The following TPR variants were observed in gnomAD, a reference collection of about 807,000 sequenced individuals.
TPR encodes translocated promoter region, nuclear basket protein, also known as nucleoprotein TPR.
Under a neutral mutation model 316.1 loss-of-function variants are expected in TPR, and 51 were observed. That is an observed-to-expected ratio of 0.16 (90% CI 0.13 to 0.20). TPR has a LOEUF of 0.20. Among genes scored for constraint, TPR ranks in the 10% least tolerant of loss-of-function variants. TPR has a pLI of 1.00. For synonymous variants in TPR, 981 were observed against 914.7 expected, an observed-to-expected ratio of 1.07 and a Z score of -1.31; for missense variants, 2,272 against 2,754.8, an observed-to-expected ratio of 0.82 and a Z score of 3.92.
chr1:186,314,128 G>C, intron 50 of TPR, 102 bp from the exon 51 acceptor site: 1 of 1,091,284 alleles, frequency 9.2e-7, no homozygotes, highest in Non-Finnish European at 1.3e-6. Flanking sequence ...AGGCATTGTG[G>C]ATATAAAACT....
intron 23 of TPR, among the ~76,000 whole-genome samples, 154 bp downstream of exon 23, chr1:186,345,981 G>A (rs149907503): frequency 2.6e-5 from 4 of 152,248 alleles, no homozygotes; most frequent in African/African-American, 9.6e-5. Context: ...AATGTATATA[G>A]AGGTACAGAA....
intron 44 of TPR, 25 bp from the exon 45 acceptor site, chr1:186,322,437 C>T (rs1657799542): frequency 1.2e-6 from 2 of 1,611,236 alleles, no homozygotes; most frequent in Middle Eastern, 3.3e-4. Flanking sequence ...ACAGAGTTAA[C>T]AAACAAAACA....
rs1487645478 is a variant in TPR, at chr1:186,312,623, C to G, written c.*1348G>C. ...AATACTATTTATCAAGTACTTCTTA[C>G]CAAGAACATTATATACCAGTCTATA... On this transcript the variant is annotated 3_prime_UTR_variant, in exon 51 of 51. Transcript: ENST00000367478. 1.1e-6 allele frequency: 1 copy of G among 898,622 alleles called. No individual in the cohort carries two copies. Among genetic ancestry groups the G allele is most frequent in the African/African-American group, 1.7e-5 (1 of 59,812 alleles). The allele number at this position is 898,622 out of a possible 1,614,324, so 55.7% of individuals were successfully genotyped here.
intron 23 of TPR, 85 bp downstream of exon 23, chr1:186,346,050 G>A (rs753564948): frequency 7.0e-7 from 1 of 1,436,324 alleles, no homozygotes; most frequent in Non-Finnish European, 9.3e-7. Flanking sequence ...CTGTTGAGAT[G>A]AACTAAATGG....
chr1:186,349,555 G>A (rs1314260489), intron 21 of TPR, among the ~76,000 whole-genome samples: 2 of 151,854 alleles, frequency 1.3e-5, no homozygotes, highest in Admixed American at 1.3e-4. Context: ...AGCTACTCGG[G>A]AGGCTGAGGC....
intron 36 of TPR, among the ~76,000 whole-genome samples, chr1:186,333,877 A>C (rs1658255719): frequency 6.6e-6 from 1 of 152,178 alleles, no homozygotes; most frequent in African/African-American, 2.4e-5. Flanking sequence ...GCAGGTAGCA[A>C]AGTTTTACTG....
chr1:186,337,420 G>A (rs1216143457), intron 31 of TPR, among the ~76,000 whole-genome samples: 1 of 151,958 alleles, frequency 6.6e-6, no homozygotes, highest in Non-Finnish European at 1.5e-5. Flanking sequence ...TCATGATAAT[G>A]AATCAAGTGA....
At chr1:186,353,601 C>T (rs1312211944) in intron 18 of TPR, 87 bp downstream of exon 18, 17 of 1,460,504 alleles carry the variant, frequency 1.2e-5, no homozygotes, top group Non-Finnish European at 1.5e-5. Context: ...TACCTAAGTC[C>T]TATCAGTGAG....
intron 42 of TPR, among the ~76,000 whole-genome samples, chr1:186,324,911 A>C (rs1277577127): frequency 6.6e-6 from 1 of 152,178 alleles, no homozygotes; most frequent in Non-Finnish European, 1.5e-5. Context: ...CTTAACCTAC[A>C]AATTGTTTAT....
chr1:186,331,272 C>T (rs1658158270), intron 39 of TPR, among the ~76,000 whole-genome samples: 1 of 151,862 alleles, frequency 6.6e-6, no homozygotes, highest in Admixed American at 6.6e-5. Context: ...GAAATCTGTG[C>T]TATATATGAA....
intron 19 of TPR, 140 bp downstream of exon 19, chr1:186,351,836 T>C: frequency 1.0e-6 from 1 of 958,424 alleles, no homozygotes; most frequent in Admixed American, 3.3e-5. Flanking sequence ...TTAAATGTCT[T>C]AATAAACTGC....
chr1:186,343,982 C>G lies in TPR; in HGVS notation c.3526G>C (p.Glu1176Gln). 6.2e-7 allele frequency: 1 copy of G among 1,614,184 alleles called. No individual in the cohort carries two copies. The highest frequency in any genetic ancestry group is 1.6e-4 in the Middle Eastern group (1 of 6,062). The change falls in exon 26 of 51, where the codon GAA becomes CAA. Residue 1176 changes from glutamate to glutamine, a missense_variant. By Grantham distance (29) the Glu-to-Gln change is conservative. Transcript: ENST00000367478. ...ACATTCAGTGGACCTTGTACACCTT[C>G]CTTCACAGAGGCAACGACCTTGTCA... ...LSDKVVASVK[E>Q]GVQGPLNVSL...
rs1266747506 is a variant in TPR at position 186,313,027 on chromosome 1, GAA to G, written c.*942_*943del. 1.0e-5 allele frequency: 10 copies of G among 983,404 alleles called. No homozygotes were observed. Among genetic ancestry groups the G allele is most frequent in the East Asian group, 5.0e-5 (2 of 40,078 alleles). 60.9% of individuals were successfully genotyped at this position (983,404 alleles called of 1,614,324 possible). On this transcript the variant is annotated 3_prime_UTR_variant, in exon 51 of 51. Transcript: ENST00000367478. ...TACGGTACTTATTCTAATTGCTGTGGAAAAGAGTTAAGACTTTTGCTTTAATT... is the reference window on the plus strand; with the variant it reads ...TACGGTACTTATTCTAATTGCTGTGGAAGAGTTAAGACTTTTGCTTTAATT...
intron 29 of TPR, 113 bp from the exon 30 acceptor site, chr1:186,339,885 T>C (rs1658461306): frequency 2.3e-6 from 2 of 860,036 alleles, no homozygotes; most frequent in East Asian, 3.1e-5. Flanking sequence ...GCATGTAAAG[T>C]AATCAAGCAT....
intron 5 of TPR, 36 bp from the exon 6 acceptor site, chr1:186,363,037 A>G: frequency 6.4e-7 from 1 of 1,563,692 alleles, no homozygotes; most frequent in South Asian, 1.2e-5. Context: ...GTACAGTTAA[A>G]GATGATATAT....
chr1:186,366,701 T>C (rs12401709), intron 4 of TPR, among the ~76,000 whole-genome samples: 1 of 152,224 alleles, frequency 6.6e-6, no homozygotes, highest in African/African-American at 2.4e-5. Context: ...TTAAATACAG[T>C]GTGTTAAGCT....
chr1:186,322,476 C>T (rs1207018423), intron 44 of TPR, 42 bp downstream of exon 44: 3 of 1,612,950 alleles, frequency 1.9e-6, no homozygotes, highest in South Asian at 2.2e-5. Context: ...TAAATATCTG[C>T]TCAAGAAATG....
Position 186,375,148 on chromosome 1 carries a change from C to T in TPR, c.-120G>A. The T allele has an allele frequency of 6.5e-7, 1 of 1,546,140 alleles. No individual in the cohort carries two copies. Among genetic ancestry groups the T allele is most frequent in the African/African-American group, 1.4e-5 (1 of 72,834 alleles). ...GCCTCTATCACCTCGCTCGGTGGCT[C>T]GCGCGCGCCCGCCCGCCGGAGACTC... On this transcript the variant is annotated 5_prime_UTR_variant, in exon 1 of 51. Transcript: ENST00000367478.
At chr1:186,343,224 C>T in intron 27 of TPR, 102 bp downstream of exon 27, 1 of 1,416,292 alleles carries the variant, frequency 7.1e-7, no homozygotes, top group Non-Finnish European at 9.5e-7. Context: ...TAGAAGAATG[C>T]TTACTTCAAG....
Sources: allele counts gnomAD v4.1 joint callset (sites outside exome capture counted in the v4.1 genomes callset), GRCh38; gene constraint gnomAD v4.1.1; transcripts MANE v1.5; gene names NCBI Gene and HGNC (gene_info 2026-07-23, HGNC 2026-07-21).